Variants in STIM2 observed in about 807,000 individuals in gnomAD.
The protein encoded by STIM2 is stromal interaction molecule 2.
A neutral mutation model predicts 85.8 loss-of-function variants in STIM2; 31 were observed. That is an observed-to-expected ratio of 0.36 (90% confidence interval 0.27 to 0.49). The LOEUF is 0.49. Among genes scored for constraint, STIM2 ranks in the 20% least tolerant of loss-of-function variants. STIM2 has a pLI of 0.98. For missense variants in STIM2, 841 were observed against 927.6 expected, an observed-to-expected ratio of 0.91 and a Z score of 1.21; for synonymous variants, 356 against 331.1, an observed-to-expected ratio of 1.08 and a Z score of -0.82.
At chr4:26,982,619 T>A (rs1330072544) in intron 3 of STIM2, among the ~76,000 whole-genome samples, 1 of 152,192 alleles carries the variant, frequency 6.6e-6, no homozygotes, top group Non-Finnish European at 1.5e-5. Context: ...ACCTCAATCC[T>A]GGAAACAGCC....
chr4:27,019,723 G>T, intron 11 of STIM2: 5 of 339,196 alleles, frequency 1.5e-5, no homozygotes, highest in Non-Finnish European at 2.9e-5. Flanking sequence ...CTGTTGGAAT[G>T]TTCTATGCCT....
intron 1 of STIM2, chr4:26,874,230 G>GCA (rs1722733515): frequency 2.2e-6 from 1 of 445,466 alleles, no homozygotes; most frequent in South Asian, 1.8e-5. Context: ...CAGGGCTGCG[G>GCA]CAGGGGTCTC....
At position 26,928,539 on chromosome 4, in the gene STIM2, A is replaced by AT. The variant is rs962445326; in HGVS notation, c.282+8913dup. On this transcript the variant is annotated intron_variant, in intron 2 of 11. Transcript: ENST00000467087. Reference sequence around the variant, plus strand: ...ATCAGATATACTTTTTTAATTTTTAATTTTTTTTACTTTTATAGAGATGAG... The same window carrying AT: ...ATCAGATATACTTTTTTAATTTTTAATTTTTTTTTACTTTTATAGAGATGAG... 1.7e-4 allele frequency among the ~76,000 whole-genome samples: 26 copies of AT among 151,894 alleles called. 1 individual carries two copies. The highest frequency in any genetic ancestry group is 6.8e-3 in the Middle Eastern group (2 of 292).
chr4:26,973,687 T>C (rs1054321207), intron 3 of STIM2, among the ~76,000 whole-genome samples: 5 of 152,184 alleles, frequency 3.3e-5, no homozygotes, highest in African/African-American at 1.2e-4. Context: ...ATAAGTGCGA[T>C]GTGGTGCTGA....
intron 1 of STIM2, among the ~76,000 whole-genome samples, chr4:26,889,231 A>G (rs750112606): frequency 6.6e-6 from 1 of 152,216 alleles, no homozygotes; most frequent in East Asian, 1.9e-4. Context: ...ACATAGCCTC[A>G]TGGAAAACAT....
intron 1 of STIM2, among the ~76,000 whole-genome samples, chr4:26,895,431 A>G (rs1179235802): frequency 1.3e-5 from 2 of 152,184 alleles, no homozygotes; most frequent in Non-Finnish European, 1.5e-5. Context: ...TAAAATAACA[A>G]ATACCATCAT....
Position 27,023,114 on chromosome 4 carries a change from C to T in STIM2, c.*118C>T. ...GGAATGTAACTCCATTGGGGCTTTC[C>T]AGGCCGGATGCCATAGTGGAACATC... is the stretch of plus-strand genomic sequence containing the variant. On this transcript the variant is annotated 3_prime_UTR_variant, in exon 12 of 12. Coordinates refer to ENST00000467087, the MANE Select transcript of STIM2 (RefSeq NM_020860.4). 1 of 966,788 alleles carries T rather than the reference C, an allele frequency of 1.0e-6. No homozygotes were observed. Among genetic ancestry groups the T allele is most frequent in the Non-Finnish European group, 1.5e-6 (1 of 646,014 alleles). The allele number at this position is 966,788 out of a possible 1,614,324, so 59.9% of individuals were successfully genotyped here. A position where few individuals can be genotyped will look rare whatever the true frequency, so the allele number is the denominator to read the frequency against.
chr4:26,864,262 A>G (rs1722316163), intron 1 of STIM2, among the ~76,000 whole-genome samples: 1 of 152,126 alleles, frequency 6.6e-6, no homozygotes, highest in African/African-American at 2.4e-5. Flanking sequence ...CAGCGCTTAT[A>G]TATTTAGGGC....
At chr4:27,004,854 T>C (rs1728278626) in intron 7 of STIM2, among the ~76,000 whole-genome samples, 1 of 152,234 alleles carries the variant, frequency 6.6e-6, no homozygotes, top group East Asian at 1.9e-4. Context: ...TTCTGAGGGC[T>C]TACTGTGTGC....
intron 1 of STIM2, among the ~76,000 whole-genome samples, chr4:26,880,787 C>T (rs998546730): frequency 1.8e-4 from 27 of 150,306 alleles, no homozygotes; most frequent in African/African-American, 5.1e-4. Context: ...AAACCAGATA[C>T]GGTAACTTAA....
At chr4:27,007,989 G>T (rs775383269) in intron 8 of STIM2, 35 of 717,720 alleles carry the variant, frequency 4.9e-5, no homozygotes, top group South Asian at 4.6e-4. Flanking sequence ...CTAGGTTGCT[G>T]CTTCATATCT....
intron 4 of STIM2, among the ~76,000 whole-genome samples, chr4:26,997,340 G>T (rs185541885): frequency 6.6e-6 from 1 of 152,250 alleles, no homozygotes; most frequent in South Asian, 2.1e-4. Flanking sequence ...ATTTGCTAAA[G>T]GTAGCCAAAA....
chr4:27,013,088 G>C (rs532118320), intron 10 of STIM2, among the ~76,000 whole-genome samples: 46 of 151,854 alleles, frequency 3.0e-4, no homozygotes, highest in African/African-American at 1.1e-3. Flanking sequence ...TTTTCTTCCT[G>C]ACACTATCTT....
intron 3 of STIM2, among the ~76,000 whole-genome samples, chr4:26,988,386 C>T (rs770085067): frequency 5.3e-5 from 8 of 151,998 alleles, no homozygotes; most frequent in Non-Finnish European, 1.2e-4. Flanking sequence ...TAAAGAAGAG[C>T]GAGCCTGGCA....
At chr4:26,889,541 C>T (rs1366480468) in intron 1 of STIM2, among the ~76,000 whole-genome samples, 1 of 152,118 alleles carries the variant, frequency 6.6e-6, no homozygotes, top group African/African-American at 2.4e-5. Context: ...AAACAGTGCC[C>T]CATTCATGAT....
intron 1 of STIM2, among the ~76,000 whole-genome samples, chr4:26,902,746 T>G (rs1723970381): frequency 6.6e-6 from 1 of 152,188 alleles, no homozygotes. Flanking sequence ...TCTATCCATT[T>G]GATGCCACAC....
intron 1 of STIM2, among the ~76,000 whole-genome samples, chr4:26,870,261 T>G (rs1414517858): frequency 6.6e-6 from 1 of 151,312 alleles, no homozygotes; most frequent in African/African-American, 2.4e-5. Context: ...AATTGACATT[T>G]GTGAAGAGGG....
intron 10 of STIM2, among the ~76,000 whole-genome samples, chr4:27,009,803 T>G (rs1728499004): frequency 6.6e-6 from 1 of 152,200 alleles, no homozygotes; most frequent in African/African-American, 2.4e-5. Flanking sequence ...TATTTGTTTA[T>G]TTGAATTATA....
At chr4:26,873,788 T>C (rs1235984937) in intron 1 of STIM2, 1 of 861,388 alleles carries the variant, frequency 1.2e-6, no homozygotes, top group Non-Finnish European at 1.9e-6. Context: ...AGGGGCTCTG[T>C]CAAGGGGTAA....
Sources: gnomAD v4.1 joint callset for allele counts (sites outside exome capture counted in the v4.1 genomes callset) on GRCh38, gnomAD v4.1.1 for gene constraint, MANE v1.5 for transcripts, NCBI Gene and HGNC (gene_info 2026-07-23, HGNC 2026-07-21) for gene names.